The following SLC29A1 variants were observed in gnomAD, a reference collection of about 807,000 sequenced individuals.
The protein encoded by SLC29A1 is equilibrative nucleoside transporter 1.
In SLC29A1, 22 loss-of-function variants were observed where a neutral mutation model predicts 48.3. That is an observed-to-expected ratio of 0.46 (90% CI 0.33 to 0.65). The LOEUF (loss-of-function observed/expected upper bound fraction) is 0.65. Among genes scored for constraint, SLC29A1 ranks in the 30% least tolerant of loss-of-function variants. SLC29A1 has a pLI of 0.03. For missense variants in SLC29A1, 491 were observed against 575.3 expected, an observed-to-expected ratio of 0.85 and a Z score of 1.50; for synonymous variants, 228 against 231.0, an observed-to-expected ratio of 0.99 and a Z score of 0.12.
Position 44,232,662 on chromosome 6 carries a change from CA to C in SLC29A1, c.1060-144del. 2 of 745,260 alleles carry C rather than the reference CA, an allele frequency of 2.7e-6. No homozygotes were observed. Among genetic ancestry groups the C allele is most frequent in the Non-Finnish European group, 4.5e-6 (2 of 446,482 alleles). 46.2% of individuals were successfully genotyped at this position (745,260 alleles called of 1,614,324 possible). On this transcript the variant is annotated intron_variant, in intron 11 of 12. Coordinates refer to ENST00000371755, the MANE Select transcript of SLC29A1 (RefSeq NM_001372327.1). This position sits in a 1 kb window ranked among gnomAD's most constrained non-coding sequence, Gnocchi z 4.7. ...TTTCCAGCACTCCAGAAGGCTCCAC[CA>C]TGCCCCTTTCAAGAGTAACCCCCTA...
intron 12 of SLC29A1, 136 bp from the exon 13 acceptor site, chr6:44,233,281 A>G (rs1030696911): frequency 6.0e-5 from 49 of 810,110 alleles, no homozygotes; most frequent in Admixed American, 1.0e-4. Context: ...GGTTGGGGTT[A>G]GGCAGCCAGG....
Position 44,229,488 on chromosome 6 carries a change from T to TG in SLC29A1, c.111+20dup, listed in dbSNP as rs1778342235. On this transcript the variant is annotated intron_variant, in intron 3 of 12. Coordinates refer to ENST00000371755, the MANE Select transcript of SLC29A1 (RefSeq NM_001372327.1). This position sits in a 1 kb window ranked among gnomAD's most constrained non-coding sequence, Gnocchi z 5.1. ...GCCACTCAGGTGAGGCTGGAGGGAC[T>TG]GGGCTCCATGGGGCAGTGCCCACTG... 1 of 1,611,526 alleles carries TG rather than the reference T, an allele frequency of 6.2e-7. No homozygotes were observed. The highest frequency in any genetic ancestry group is 1.3e-5 in the African/African-American group (1 of 74,990).
Position 44,229,533 on chromosome 6 carries a change from T to A in SLC29A1, c.112-56T>A, listed in dbSNP as rs1778357447. 4.3e-6 allele frequency: 7 copies of A among 1,610,798 alleles called. No individual in the cohort carries two copies. In the Admixed American group the frequency reaches 1.2e-4, roughly 27 times the overall value. On this transcript the variant is annotated intron_variant, in intron 3 of 12. Coordinates refer to ENST00000371755, the MANE Select transcript of SLC29A1 (RefSeq NM_001372327.1). The surrounding 1 kb of genome is among the most constrained non-coding windows in gnomAD (Gnocchi z 5.1). ...CCACTGTGCTTGCAGGATCTGACTC[T>A]GTGCTGGTAGGCACAGGGAAAGAGA...
chr6:44,225,991 C>T (rs1055632624), intron 1 of SLC29A1: 3 of 481,174 alleles, frequency 6.2e-6, no homozygotes, highest in Non-Finnish European at 8.1e-6. Context: ...GAATGGGGCC[C>T]CATGAAGCCT....
chr6:44,226,848 C>T (rs1274717498), intron 1 of SLC29A1: 2 of 1,023,696 alleles, frequency 2.0e-6, no homozygotes, highest in Non-Finnish European at 2.3e-6. Flanking sequence ...CCATTTGTCT[C>T]CCTCCTTCCC....
At chr6:44,226,081 C>G in intron 1 of SLC29A1, 2 of 984,538 alleles carry the variant, frequency 2.0e-6, no homozygotes, top group Non-Finnish European at 2.4e-6. Flanking sequence ...ACAAGGCCCA[C>G]TGCCTGAGCC....
chr6:44,233,141 C>T, intron 12 of SLC29A1, 135 bp downstream of exon 12: 1 of 985,650 alleles, frequency 1.0e-6, no homozygotes, highest in Non-Finnish European at 1.5e-6. Flanking sequence ...AGGAGGGGCT[C>T]CCAGGCTGAG....
upstream of SLC29A1, chr6:44,219,901 T>G (rs1229545911): frequency 4.9e-6 from 3 of 614,876 alleles, no homozygotes; most frequent in Non-Finnish European, 7.2e-6. Flanking sequence ...TGGGCTACAG[T>G]GTCTCAGGGG....
intron 5 of SLC29A1, 144 bp from the exon 6 acceptor site, chr6:44,230,203 C>T (rs932617008): frequency 1.4e-6 from 2 of 1,472,896 alleles, no homozygotes; most frequent in African/African-American, 2.8e-5. Context: ...TGGGCCTGGA[C>T]CAGGGCTGGG....
chr6:44,230,140 C>T, intron 5 of SLC29A1, 94 bp downstream of exon 5: 1 of 1,548,566 alleles, frequency 6.5e-7, no homozygotes, highest in Non-Finnish European at 8.8e-7. Context: ...AGAAGCCCAG[C>T]CTCCGCCTGG....
Position 44,233,618 on chromosome 6 carries a change from G to T in SLC29A1, c.*90G>T. The T allele has an allele frequency of 9.4e-7, 1 of 1,068,658 alleles. No homozygotes were observed. 66.2% of individuals were successfully genotyped at this position (1,068,658 alleles called of 1,614,324 possible). A position where few individuals can be genotyped will look rare whatever the true frequency, so the allele number is the denominator to read the frequency against. ...AGGGGTGATCCTGAGTGGTCTGGCGGTTTTTTCTTCTAACTGACTTCTGCT... is the reference window on the plus strand; with the variant it reads ...AGGGGTGATCCTGAGTGGTCTGGCGTTTTTTTCTTCTAACTGACTTCTGCT... On this transcript the variant is annotated 3_prime_UTR_variant, in exon 13 of 13. Transcript: ENST00000371755.
chr6:44,231,006 G>A, intron 8 of SLC29A1, 117 bp downstream of exon 8: 1 of 795,464 alleles, frequency 1.3e-6, no homozygotes, highest in Non-Finnish European at 2.2e-6. Flanking sequence ...GCCAGAGGAG[G>A]ACTGAAGGAC....
intron 2 of SLC29A1, among the ~76,000 whole-genome samples, chr6:44,228,173 C>A (rs1486962101): frequency 1.3e-5 from 2 of 152,226 alleles, no homozygotes; most frequent in Non-Finnish European, 2.9e-5. Flanking sequence ...GGTTGCTTCC[C>A]TGCCTCCTGT....
intron 12 of SLC29A1, 78 bp from the exon 13 acceptor site, chr6:44,233,339 C>G (rs1779318154): frequency 1.6e-6 from 2 of 1,238,412 alleles, no homozygotes; most frequent in African/African-American, 3.0e-5. Flanking sequence ...TGCTCCACCC[C>G]ACCCCTCCTT....
Position 44,230,488 on chromosome 6 carries a change from C to G in SLC29A1, c.589+7C>G, listed in dbSNP as rs1778571422. 1.2e-6 allele frequency: 2 copies of G among 1,613,614 alleles called. No individual in the cohort carries two copies. ...ATGATCTGCGCTATTGCCAGTAAGT[C>G]CGGCTATCTACCTGCCCAGTGCCCT... On this transcript the variant is annotated splice_region_variant and intron_variant, in intron 6 of 12. Coordinates refer to ENST00000371755, the MANE Select transcript of SLC29A1 (RefSeq NM_001372327.1).
At position 44,232,307 on chromosome 6, in the gene SLC29A1, TG is replaced by T; in HGVS notation, c.974-35del. 6.8e-7 allele frequency: 1 copy of T among 1,472,526 alleles called. No homozygotes were observed. Among genetic ancestry groups the T allele is most frequent in the Non-Finnish European group, 9.5e-7 (1 of 1,050,742 alleles). 91.2% of individuals were successfully genotyped at this position (1,472,526 alleles called of 1,614,324 possible). ...GTTAGGCTTGCTATACCTGCCTCTG[TG>T]AGCCTGATAACCACCCGTTCATCTC... On this transcript the variant is annotated intron_variant, in intron 10 of 12. Transcript: ENST00000371755. The surrounding 1 kb of genome is among the most constrained non-coding windows in gnomAD (Gnocchi z 4.7).
chr6:44,226,091 C>G, intron 1 of SLC29A1: 7 of 985,434 alleles, frequency 7.1e-6, no homozygotes, highest in Non-Finnish European at 8.4e-6. Flanking sequence ...CTGCCTGAGC[C>G]TGAACTAGGA....
At position 44,230,037 on chromosome 6, in the gene SLC29A1, C is replaced by T; in HGVS notation, c.445C>T (p.Leu149Phe). The part of the protein sequence containing the change: ...FFVITMIKIV[L>F]INSFGAILQG... ...TGTCATCACCATGATCAAGATCGTG[C>T]TCATTAATTGTAAGCTGGGCCAGGA... is the stretch of plus-strand genomic sequence containing the variant. Residue 149 changes from leucine to phenylalanine, a missense_variant, in exon 5 of 13, where the codon CTC (leucine) becomes TTC (phenylalanine). Transcript: ENST00000371755. 6.2e-7 allele frequency: 1 copy of T among 1,607,244 alleles called. No individual in the cohort carries two copies. The highest frequency in any genetic ancestry group is 8.5e-7 in the Non-Finnish European group (1 of 1,179,992).
At position 44,229,365 on chromosome 6, in the gene SLC29A1, G is replaced by A. The variant is rs750704470; in HGVS notation, c.30-25G>A. On this transcript the variant is annotated intron_variant, in intron 2 of 12. Coordinates refer to ENST00000371755, the MANE Select transcript of SLC29A1 (RefSeq NM_001372327.1). The surrounding 1 kb of genome is among the most constrained non-coding windows in gnomAD (Gnocchi z 5.1). Reference sequence around the variant, plus strand: ...GTGGGGCAGGATGGTGCGTCATTTGGCCCATCTTTCCTCCTCCATTGCAGA... The same window carrying A: ...GTGGGGCAGGATGGTGCGTCATTTGACCCATCTTTCCTCCTCCATTGCAGA... 6 of 1,586,140 alleles carry A rather than the reference G, an allele frequency of 3.8e-6. No homozygotes were observed. Among genetic ancestry groups the A allele is most frequent in the Non-Finnish European group, 5.2e-6 (6 of 1,154,466 alleles).
Sources: allele counts gnomAD v4.1 joint callset (sites outside exome capture counted in the v4.1 genomes callset), GRCh38; gene constraint gnomAD v4.1.1; non-coding constraint Gnocchi (gnomAD v3.1); transcripts MANE v1.5; gene names NCBI Gene and HGNC (gene_info 2026-07-23, HGNC 2026-07-21).